GALNT14: variants seen among roughly 807,000 people sequenced by gnomAD.
The protein encoded by GALNT14 is polypeptide N-acetylgalactosaminyltransferase 14, also known as UDP-GalNAc:polypeptide N-acetylgalactosaminyltransferase 14.
GALNT14 carries 60 observed loss-of-function variants against 77.5 expected under a neutral mutation model. The observed-to-expected ratio is 0.77, with a 90% CI of 0.63 to 0.96. GALNT14 has a LOEUF of 0.96. Ranked by LOEUF, GALNT14 falls within the 40% of genes least tolerant of loss-of-function variation. The pLI is 0.00. For missense variants in GALNT14, 710 were observed against 731.0 expected, an observed-to-expected ratio of 0.97 and a Z score of 0.33; for synonymous variants, 280 against 281.7, an observed-to-expected ratio of 0.99 and a Z score of 0.06.
chr2:30,982,450 A>G (rs965644602), intron 2 of GALNT14, among the ~76,000 whole-genome samples: 1 of 152,228 alleles, frequency 6.6e-6, no homozygotes, highest in Admixed American at 6.5e-5. Flanking sequence ...AGAAATTGTA[A>G]TATATTCTTA....
intron 1 of GALNT14, among the ~76,000 whole-genome samples, chr2:31,029,674 A>G (rs1172040817): frequency 6.6e-6 from 1 of 152,174 alleles, no homozygotes; most frequent in East Asian, 1.9e-4. Flanking sequence ...AGTCGCAATC[A>G]TGTAGACTAG....
chr2:30,944,665 C>T (rs1175007786), intron 8 of GALNT14, among the ~76,000 whole-genome samples, 193 bp downstream of exon 8: 2 of 152,148 alleles, frequency 1.3e-5, no homozygotes, highest in Admixed American at 6.5e-5. Flanking sequence ...CCTCTGCTGG[C>T]CCCCATCCCC....
Position 30,958,392 on chromosome 2 carries a change from CTT to C in GALNT14, c.466+3_466+4del. 6.2e-7 allele frequency: 1 copy of C among 1,613,504 alleles called. No individual in the cohort carries two copies. Among genetic ancestry groups the C allele is most frequent in the Non-Finnish European group, 8.5e-7 (1 of 1,179,462 alleles). ...TCTAAAGAGCAAGTGAGCAACATGA[CTT>C]ACGGTCATTGCTGAAGTCATCCACT... is the stretch of plus-strand genomic sequence containing the variant. On this transcript the variant is annotated splice_donor_region_variant and intron_variant, in intron 4 of 14. Coordinates refer to ENST00000349752, the MANE Select transcript of GALNT14 (RefSeq NM_024572.4).
intron 8 of GALNT14, among the ~76,000 whole-genome samples, 151 bp downstream of exon 8, chr2:30,944,704 ACCT>A (rs1232217981): frequency 1.3e-5 from 2 of 151,874 alleles, no homozygotes; most frequent in Non-Finnish European, 1.5e-5. Flanking sequence ...GAGGATAGAA[ACCT>A]CCTAAAATAA....
chr2:31,012,710 C>T (rs1047498362), intron 1 of GALNT14, among the ~76,000 whole-genome samples: 5 of 151,914 alleles, frequency 3.3e-5, no homozygotes, highest in African/African-American at 1.2e-4. Flanking sequence ...AAACATGCCC[C>T]TGTGTGGGTG....
At chr2:30,932,980 G>A (rs1665831622) in intron 9 of GALNT14, among the ~76,000 whole-genome samples, 1 of 152,164 alleles carries the variant, frequency 6.6e-6, no homozygotes, top group African/African-American at 2.4e-5. Context: ...TCAGAGAGGT[G>A]GGTGGGATGG....
intron 1 of GALNT14, among the ~76,000 whole-genome samples, chr2:31,108,155 A>C (rs1288369914): frequency 6.6e-6 from 1 of 152,100 alleles, no homozygotes; most frequent in East Asian, 1.9e-4. Context: ...TAATTCAGGA[A>C]ATACCAAGGC....
intron 2 of GALNT14, among the ~76,000 whole-genome samples, chr2:30,974,847 C>G (rs933416749): frequency 6.6e-6 from 1 of 152,130 alleles, no homozygotes; most frequent in African/African-American, 2.4e-5. Context: ...AGGATGATGA[C>G]TAAACATACT....
intron 1 of GALNT14, among the ~76,000 whole-genome samples, chr2:31,019,528 G>A (rs147636051): frequency 6.6e-6 from 1 of 152,062 alleles, no homozygotes; most frequent in Admixed American, 6.5e-5. Flanking sequence ...AGAAGAACAC[G>A]GGTCCACCAC....
chr2:31,008,506 T>C (rs1670815229), intron 1 of GALNT14, among the ~76,000 whole-genome samples: 1 of 152,160 alleles, frequency 6.6e-6, no homozygotes, highest in Admixed American at 6.6e-5. Flanking sequence ...GACATCCACG[T>C]CTCACTCACT....
intron 1 of GALNT14, among the ~76,000 whole-genome samples, chr2:31,033,845 A>G (rs893295295): frequency 1.3e-5 from 2 of 152,104 alleles, no homozygotes; most frequent in African/African-American, 4.8e-5. Context: ...CAACATTTCC[A>G]CTTGGATGTT....
chr2:31,004,474 T>C (rs368496574), intron 1 of GALNT14, among the ~76,000 whole-genome samples: 167 of 152,240 alleles, frequency 1.1e-3, no homozygotes, highest in African/African-American at 3.8e-3. Context: ...TGGATAGAGC[T>C]GGATGCTGAA....
intron 13 of GALNT14, among the ~76,000 whole-genome samples, chr2:30,918,247 G>A (rs911114104): frequency 2.6e-5 from 4 of 152,132 alleles, no homozygotes; most frequent in Non-Finnish European, 4.4e-5. Context: ...GTACATCTTC[G>A]CTGGGTCATG....
rs116106781 is a variant in GALNT14, at chr2:31,014,774, G to A, written c.130-21767C>T. ...TCAATGATCCCTAAAGCACCCCTGC[G>A]TTTACCATGTATATAGAGTGCAAAG... is the stretch of plus-strand genomic sequence containing the variant. On this transcript the variant is annotated intron_variant, in intron 1 of 14. Transcript: ENST00000349752. Among the ~76,000 whole-genome samples, 765 of 152,214 alleles carry A rather than the reference G, an allele frequency of 5.0e-3. 1 individual carries two copies. The highest frequency in any genetic ancestry group is 7.8e-3 in the Non-Finnish European group (533 of 68,020).
At chr2:30,970,261 G>A (rs371661302) in intron 2 of GALNT14, among the ~76,000 whole-genome samples, 25 of 152,118 alleles carry the variant, frequency 1.6e-4, no homozygotes, top group African/African-American at 5.1e-4. Context: ...AGGATGCAGC[G>A]TCAATGTGAG....
chr2:30,924,936 C>T, intron 11 of GALNT14, 113 bp from the exon 12 acceptor site: 1 of 733,340 alleles, frequency 1.4e-6, no homozygotes, highest in Non-Finnish European at 2.4e-6. Context: ...TGCCCATGCT[C>T]TGTGCTCACA....
intron 1 of GALNT14, among the ~76,000 whole-genome samples, chr2:31,044,810 G>A (rs930795246): frequency 6.6e-6 from 1 of 152,080 alleles, no homozygotes; most frequent in Non-Finnish European, 1.5e-5. Flanking sequence ...AACTACTCAG[G>A]AGGCTGAGGT....
At chr2:31,034,723 G>A (rs1004114852) in intron 1 of GALNT14, among the ~76,000 whole-genome samples, 7 of 152,172 alleles carry the variant, frequency 4.6e-5, no homozygotes, top group Non-Finnish European at 7.3e-5. Flanking sequence ...AGCAAGGCAT[G>A]TATAGCCTTA....
At chr2:31,114,631 T>C in intron 1 of GALNT14, 1 of 631,466 alleles carries the variant, frequency 1.6e-6, no homozygotes, top group Non-Finnish European at 2.9e-6. Flanking sequence ...AAAAAGAAAT[T>C]TCGAGAACAG....
Sources: allele counts gnomAD v4.1 joint callset (sites outside exome capture counted in the v4.1 genomes callset), GRCh38; gene constraint gnomAD v4.1.1; transcripts MANE v1.5; gene names NCBI Gene and HGNC (gene_info 2026-07-23, HGNC 2026-07-21).